RCAN2: variants seen among roughly 807,000 people sequenced by gnomAD.
RCAN2 encodes regulator of calcineurin 2, also known as calcipressin-2.
In RCAN2, 9 loss-of-function variants were observed where a neutral mutation model predicts 23.6. The ratio of observed to expected loss-of-function variants is 0.38; its 90% CI spans 0.23 to 0.67. The LOEUF is 0.67. Ranked by LOEUF, RCAN2 falls within the 30% of genes least tolerant of loss-of-function variation. RCAN2 has a pLI of 0.51. For synonymous variants in RCAN2, 109 were observed against 115.7 expected (o/e 0.94, Z 0.37); for missense variants, 273 against 302.3 (o/e 0.90, Z 0.72).
rs140950185 is a variant in RCAN2, at chr6:46,361,777, G to C, written c.225+94975C>G. 6.4e-3 allele frequency among the ~76,000 whole-genome samples: 967 copies of C among 152,210 alleles called. 11 individuals are homozygous for C. Among genetic ancestry groups the C allele is most frequent in the African/African-American group, 0.022 (920 of 41,526 alleles). ...GGTTGTTTGCTATTATGGAGTCACT[G>C]CTCCTAAAGGTTTTATTTTAGAGAT... On this transcript the variant is annotated intron_variant, in intron 2 of 4. Coordinates refer to ENST00000371374, the MANE Select transcript of RCAN2 (RefSeq NM_001251974.2).
At chr6:46,468,561 C>T (rs1768459264) in intron 1 of RCAN2, among the ~76,000 whole-genome samples, 3 of 152,190 alleles carry the variant, frequency 2.0e-5, no homozygotes, top group Admixed American at 6.5e-5. Flanking sequence ...CTCCCGTCTG[C>T]ACATGTGTTG....
intron 2 of RCAN2, among the ~76,000 whole-genome samples, chr6:46,311,287 T>A (rs540765119): frequency 2.6e-5 from 4 of 152,282 alleles, no homozygotes; most frequent in African/African-American, 9.6e-5. Flanking sequence ...GTATCATGGG[T>A]TCTGTTGCAT....
intron 2 of RCAN2, among the ~76,000 whole-genome samples, chr6:46,455,412 T>C (rs796837066): frequency 6.6e-6 from 1 of 152,296 alleles, no homozygotes; most frequent in African/African-American, 2.4e-5. Flanking sequence ...CAGGATTGTC[T>C]ACAAAATCAA....
intron 2 of RCAN2, among the ~76,000 whole-genome samples, chr6:46,276,135 G>A (rs1767690990): frequency 6.6e-6 from 1 of 152,170 alleles, no homozygotes; most frequent in Non-Finnish European, 1.5e-5. Context: ...GAACCTAGGA[G>A]GTGGAGGTTG....
intron 2 of RCAN2, among the ~76,000 whole-genome samples, chr6:46,310,523 G>A (rs1367748415): frequency 1.4e-5 from 2 of 147,162 alleles, no homozygotes; most frequent in African/African-American, 5.4e-5. Flanking sequence ...AAGAAACTTT[G>A]TTTTCTAATA....
intron 2 of RCAN2, among the ~76,000 whole-genome samples, chr6:46,440,394 A>C (rs1767502109): frequency 7.0e-6 from 1 of 142,158 alleles, no homozygotes; most frequent in Admixed American, 7.0e-5. Flanking sequence ...GAGTCACGGC[A>C]AAAAAAAAAA....
intron 2 of RCAN2, among the ~76,000 whole-genome samples, chr6:46,342,381 T>C (rs1465034612): frequency 6.6e-6 from 1 of 151,566 alleles, no homozygotes; most frequent in Non-Finnish European, 1.5e-5. Context: ...GAAACATAAA[T>C]CACCTTATCA....
chr6:46,347,347 C>T (rs1285101538), intron 2 of RCAN2, among the ~76,000 whole-genome samples: 1 of 152,164 alleles, frequency 6.6e-6, no homozygotes, highest in African/African-American at 2.4e-5. Context: ...GGTCATGCAT[C>T]AAGTTAGTGA....
chr6:46,425,320 C>T (rs569865933), intron 2 of RCAN2, among the ~76,000 whole-genome samples: 57 of 152,308 alleles, frequency 3.7e-4, no homozygotes, highest in Non-Finnish European at 2.4e-4. Flanking sequence ...AGAGCAATGA[C>T]ATCACCACAC....
chr6:46,241,026 C>G (rs73735735), intron 4 of RCAN2, among the ~76,000 whole-genome samples: 1 of 152,178 alleles, frequency 6.6e-6, no homozygotes, highest in Non-Finnish European at 1.5e-5. Flanking sequence ...CTTTTCATAT[C>G]GCTCCCTGCA....
intron 2 of RCAN2, among the ~76,000 whole-genome samples, chr6:46,323,970 G>A (rs1763705917): frequency 6.6e-6 from 1 of 152,188 alleles, no homozygotes; most frequent in Non-Finnish European, 1.5e-5. Flanking sequence ...TAACTGTTGA[G>A]GACAGAAGGG....
intron 2 of RCAN2, among the ~76,000 whole-genome samples, chr6:46,409,708 C>A (rs767298324): frequency 6.6e-6 from 1 of 152,166 alleles, no homozygotes; most frequent in East Asian, 1.9e-4. Context: ...ATCATACATT[C>A]TTTTAATTCT....
intron 2 of RCAN2, among the ~76,000 whole-genome samples, chr6:46,385,293 C>T (rs1368820785): frequency 6.6e-6 from 1 of 152,140 alleles, no homozygotes; most frequent in Non-Finnish European, 1.5e-5. Flanking sequence ...CAGCATTCTA[C>T]AATACACCAA....
chr6:46,374,683 T>C (rs1467654575), intron 2 of RCAN2, among the ~76,000 whole-genome samples: 1 of 152,258 alleles, frequency 6.6e-6, no homozygotes, highest in Non-Finnish European at 1.5e-5. Context: ...AATTTCAGCC[T>C]ATTTTAAACA....
At chr6:46,393,582 T>G (rs1765997941) in intron 2 of RCAN2, among the ~76,000 whole-genome samples, 1 of 152,218 alleles carries the variant, frequency 6.6e-6, no homozygotes, top group Non-Finnish European at 1.5e-5. Flanking sequence ...TTATTTGGCT[T>G]GTAATACTTG....
At chr6:46,250,267 C>A (rs1445785520) in intron 2 of RCAN2, among the ~76,000 whole-genome samples, 1 of 152,158 alleles carries the variant, frequency 6.6e-6, no homozygotes, top group African/African-American at 2.4e-5. Flanking sequence ...TATGTTAATA[C>A]CATCTGTCTG....
chr6:46,468,610 C>T (rs578008189), intron 1 of RCAN2, among the ~76,000 whole-genome samples: 10 of 152,142 alleles, frequency 6.6e-5, no homozygotes, highest in East Asian at 3.9e-4. Flanking sequence ...CATTTATTGA[C>T]GTTTTTACAT....
At chr6:46,470,202 C>T (rs1214144934) in intron 1 of RCAN2, among the ~76,000 whole-genome samples, 3 of 151,902 alleles carry the variant, frequency 2.0e-5, no homozygotes, top group Non-Finnish European at 4.4e-5. Context: ...GATAGTGCAG[C>T]CGACAGACTC....
intron 2 of RCAN2, among the ~76,000 whole-genome samples, chr6:46,374,706 G>A (rs1313567398): frequency 6.6e-6 from 1 of 152,066 alleles, no homozygotes; most frequent in East Asian, 1.9e-4. Context: ...AATTCATCAA[G>A]CCTGCCTCTG....
Sources: allele counts gnomAD v4.1 joint callset (sites outside exome capture counted in the v4.1 genomes callset), GRCh38; gene constraint gnomAD v4.1.1; transcripts MANE v1.5; gene names NCBI Gene and HGNC (gene_info 2026-07-23, HGNC 2026-07-21).